RIMS1: variants seen among roughly 807,000 people sequenced by gnomAD.
RIMS1 encodes regulating synaptic membrane exocytosis protein 1.
Under a neutral mutation model 214.1 loss-of-function variants are expected in RIMS1, and 83 were observed. That is an observed-to-expected ratio of 0.39 (90% CI 0.32 to 0.47). The LOEUF (loss-of-function observed/expected upper bound fraction) is 0.47. RIMS1 is among the 20% of genes least tolerant of loss of function. RIMS1 has a pLI of 0.99. For missense variants in RIMS1, 2,050 were observed against 2,161.8 expected, an observed-to-expected ratio of 0.95 and a Z score of 1.03; for synonymous variants, 793 against 786.8, an observed-to-expected ratio of 1.01 and a Z score of -0.13.
chr6:72,383,450 A>G (rs926531613), intron 29 of RIMS1, among the ~76,000 whole-genome samples: 1 of 151,884 alleles, frequency 6.6e-6, no homozygotes, highest in Non-Finnish European at 1.5e-5. Context: ...TCAAGTTCTC[A>G]CTGCGGTTCC....
rs1458716115 is a variant in RIMS1 at position 72,402,281 on chromosome 6, T to A, written c.*1567T>A. ...TTGCTTGTTAATTACTATACCGAAA[T>A]AACCAAGAAATCTAAGCCATCCACT... On this transcript the variant is annotated 3_prime_UTR_variant, in exon 34 of 34. Transcript: ENST00000521978. 6.6e-6 allele frequency: 1 copy of A among 152,636 alleles called. No individual in the cohort carries two copies. Among genetic ancestry groups the A allele is most frequent in the African/African-American group, 2.4e-5 (1 of 41,460 alleles). 9.5% of individuals were successfully genotyped at this position (152,636 alleles called of 1,614,324 possible).
At chr6:72,331,960 T>C (rs1356103484) in intron 28 of RIMS1, among the ~76,000 whole-genome samples, 1 of 151,806 alleles carries the variant, frequency 6.6e-6, no homozygotes, top group Non-Finnish European at 1.5e-5. Flanking sequence ...TGAAGGATCC[T>C]AAGGACCAGT....
chr6:72,166,300 G>GTTTT (rs148899087), intron 4 of RIMS1, among the ~76,000 whole-genome samples: 2 of 143,236 alleles, frequency 1.4e-5, no homozygotes, highest in Non-Finnish European at 3.0e-5. Context: ...CTTGGTGTCT[G>GTTTT]TTTTTTTTTT....
At chr6:72,349,792 G>C (rs2097380790) in intron 29 of RIMS1, among the ~76,000 whole-genome samples, 1 of 151,952 alleles carries the variant, frequency 6.6e-6, no homozygotes, top group East Asian at 1.9e-4. Flanking sequence ...TCTACCTTGG[G>C]AAGTACACTC....
At chr6:72,082,000 C>G (rs1158283162) in intron 2 of RIMS1, among the ~76,000 whole-genome samples, 1 of 152,138 alleles carries the variant, frequency 6.6e-6, no homozygotes. Flanking sequence ...TTAGAAAATA[C>G]TGTACCTAAT....
At chr6:72,306,033 G>T (rs540957173) in intron 26 of RIMS1, among the ~76,000 whole-genome samples, 1 of 151,928 alleles carries the variant, frequency 6.6e-6, no homozygotes, top group Non-Finnish European at 1.5e-5. Flanking sequence ...GTGTGTTGGC[G>T]TTTTATAATC....
At chr6:72,327,165 G>T (rs1361997884) in intron 28 of RIMS1, among the ~76,000 whole-genome samples, 1 of 151,654 alleles carries the variant, frequency 6.6e-6, no homozygotes, top group Non-Finnish European at 1.5e-5. Flanking sequence ...ATAAAATAAT[G>T]ATGTGTCTTA....
At chr6:72,141,062 A>G (rs1224021224) in intron 4 of RIMS1, among the ~76,000 whole-genome samples, 3 of 152,066 alleles carry the variant, frequency 2.0e-5, no homozygotes, top group African/African-American at 4.8e-5. Context: ...TAAGGTGGGT[A>G]TGACTTCCAA....
intron 2 of RIMS1, among the ~76,000 whole-genome samples, chr6:72,030,758 T>C (rs1177890388): frequency 6.6e-6 from 1 of 152,138 alleles, no homozygotes; most frequent in Non-Finnish European, 1.5e-5. Flanking sequence ...GCCATATAAA[T>C]AGAAAGGCAA....
At chr6:72,308,975 A>C (rs2095376568) in intron 27 of RIMS1, among the ~76,000 whole-genome samples, 1 of 152,110 alleles carries the variant, frequency 6.6e-6, no homozygotes, top group Non-Finnish European at 1.5e-5. Flanking sequence ...TTCCCTCTAC[A>C]GTTGGATGCA....
At chr6:72,065,204 T>A (rs1390699623) in intron 2 of RIMS1, among the ~76,000 whole-genome samples, 1 of 152,160 alleles carries the variant, frequency 6.6e-6, no homozygotes, top group East Asian at 1.9e-4. Flanking sequence ...AACCCAAGCC[T>A]GAGAGTGATT....
chr6:72,358,316 CT>C (rs1410364798), intron 29 of RIMS1, among the ~76,000 whole-genome samples: 1 of 151,988 alleles, frequency 6.6e-6, no homozygotes, highest in Non-Finnish European at 1.5e-5. Context: ...ATCATTATTT[CT>C]GAAACATTTC....
chr6:72,254,207 T>C (rs906954101), intron 16 of RIMS1, among the ~76,000 whole-genome samples: 44 of 152,174 alleles, frequency 2.9e-4, no homozygotes, highest in African/African-American at 9.4e-4. Flanking sequence ...GAAAATATTG[T>C]TAAATTTATT....
intron 2 of RIMS1, among the ~76,000 whole-genome samples, chr6:72,011,518 A>C (rs1363726514): frequency 6.6e-6 from 1 of 152,246 alleles, no homozygotes; most frequent in African/African-American, 2.4e-5. Flanking sequence ...ACAGCAAAAG[A>C]AACTACCATC....
chr6:72,331,814 G>A (rs1009087887), intron 28 of RIMS1, among the ~76,000 whole-genome samples: 4 of 151,894 alleles, frequency 2.6e-5, no homozygotes, highest in African/African-American at 9.6e-5. Flanking sequence ...AAACTGACTG[G>A]AATAAGTTGA....
intron 1 of RIMS1, among the ~76,000 whole-genome samples, chr6:71,932,693 C>T (rs1243476267): frequency 6.6e-6 from 1 of 152,084 alleles, no homozygotes; most frequent in East Asian, 1.9e-4. Flanking sequence ...TCAGGCTAGT[C>T]TCTAACTCCT....
chr6:72,291,883 G>A (rs865935045), intron 25 of RIMS1, 51 bp from the exon 26 acceptor site: 1 of 1,366,490 alleles, frequency 7.3e-7, no homozygotes, highest in African/African-American at 1.4e-5. Context: ...ATTTTTGTCA[G>A]ACCACATTGG....
At chr6:72,008,602 AG>A (rs1218433478) in intron 2 of RIMS1, among the ~76,000 whole-genome samples, 3 of 152,220 alleles carry the variant, frequency 2.0e-5, no homozygotes, top group African/African-American at 4.8e-5. Context: ...AGACACATAT[AG>A]GCTCAAAATA....
At chr6:72,033,482 A>AT (rs1012999375) in intron 2 of RIMS1, among the ~76,000 whole-genome samples, 3 of 151,854 alleles carry the variant, frequency 2.0e-5, no homozygotes, top group South Asian at 4.2e-4. Flanking sequence ...AAAATTGCCA[A>AT]TTTTTTTTCC....
Sources: gnomAD v4.1 joint callset for allele counts (sites outside exome capture counted in the v4.1 genomes callset) on GRCh38, gnomAD v4.1.1 for gene constraint, MANE v1.5 for transcripts, NCBI Gene and HGNC (gene_info 2026-07-23, HGNC 2026-07-21) for gene names.